Variants in MKX observed in about 807,000 individuals in gnomAD.
MKX encodes homeobox protein Mohawk.
MKX carries 13 observed loss-of-function variants against 36.0 expected under a neutral mutation model. The ratio of observed to expected loss-of-function variants is 0.36; its 90% CI spans 0.24 to 0.57. MKX has a LOEUF of 0.57. Ranked by LOEUF, MKX falls within the 20% of genes least tolerant of loss-of-function variation. MKX has a pLI of 0.79. For synonymous variants in MKX, 176 were observed against 178.3 expected (o/e 0.99, Z 0.10); for missense variants, 458 against 456.4 (o/e 1.00, Z -0.03).
At chr10:27,735,512 C>G (rs1373521493) in intron 3 of MKX, 138 bp from the exon 4 acceptor site, 2 of 598,226 alleles carry the variant, frequency 3.3e-6, no homozygotes, top group Non-Finnish European at 5.5e-6. Flanking sequence ...ACCGGACATT[C>G]GCATCCATTC....
At chr10:27,722,980 A>G (rs1426422080) in intron 5 of MKX, among the ~76,000 whole-genome samples, 1 of 152,156 alleles carries the variant, frequency 6.6e-6, no homozygotes, top group Admixed American at 6.6e-5. Context: ...GTGAAATCAT[A>G]AAGTTGAGCT....
intron 3 of MKX, among the ~76,000 whole-genome samples, chr10:27,735,756 A>G (rs1834754972): frequency 6.6e-6 from 1 of 152,214 alleles, no homozygotes; most frequent in South Asian, 2.1e-4. Flanking sequence ...ATATGACTCC[A>G]GCCTTTTTGA....
At chr10:27,732,377 G>A (rs998555802) in intron 5 of MKX, among the ~76,000 whole-genome samples, 9 of 152,064 alleles carry the variant, frequency 5.9e-5, no homozygotes, top group African/African-American at 2.2e-4. Context: ...TAATTTGTGT[G>A]GAGAATGCCA....
intron 5 of MKX, among the ~76,000 whole-genome samples, chr10:27,729,903 C>G (rs185084691): frequency 5.9e-4 from 90 of 152,066 alleles, no homozygotes; most frequent in Middle Eastern, 6.8e-3. Flanking sequence ...CCTGGTTCAA[C>G]AGGAATGGAG....
In MKX at chr10:27,744,020, C is replaced by A. The variant is rs1420085441; in HGVS notation, c.-82-523G>T. Among the ~76,000 whole-genome samples, 1 of 152,098 alleles carries A rather than the reference C, an allele frequency of 6.6e-6. No homozygotes were observed. Among genetic ancestry groups the A allele is most frequent in the Non-Finnish European group, 1.5e-5 (1 of 68,026 alleles). ...CCCAGCTCATGAGTCCCAGGCCATA[C>A]CGGGATTTGGGGGATTTTCGTGTTT... On this transcript the variant is annotated intron_variant, in intron 1 of 6. Coordinates refer to ENST00000419761, the MANE Select transcript of MKX (RefSeq NM_173576.3). The surrounding 1 kb of genome is among the most constrained non-coding windows in gnomAD (Gnocchi z 5.6).
intron 5 of MKX, among the ~76,000 whole-genome samples, chr10:27,685,368 G>A (rs1836323362): frequency 6.6e-6 from 1 of 151,790 alleles, no homozygotes; most frequent in Non-Finnish European, 1.5e-5. Context: ...GTAATATCAA[G>A]GAATCTGTCC....
At chr10:27,694,042 G>A (rs556686712) in intron 5 of MKX, among the ~76,000 whole-genome samples, 7 of 152,264 alleles carry the variant, frequency 4.6e-5, no homozygotes, top group African/African-American at 1.7e-4. Flanking sequence ...CCATGAAAAT[G>A]TGCCTTTTGC....
intron 5 of MKX, among the ~76,000 whole-genome samples, chr10:27,699,857 G>A (rs1836621314): frequency 2.0e-5 from 3 of 152,164 alleles, no homozygotes; most frequent in Admixed American, 6.5e-5. Context: ...AAAGCAGATT[G>A]TAGTAAGAAT....
At chr10:27,725,616 T>C (rs943139270) in intron 5 of MKX, among the ~76,000 whole-genome samples, 3 of 151,810 alleles carry the variant, frequency 2.0e-5, no homozygotes, top group Admixed American at 2.0e-4. Flanking sequence ...GAAAAATACC[T>C]TCTTAATTTT....
At chr10:27,690,213 A>G (rs1412284145) in intron 5 of MKX, among the ~76,000 whole-genome samples, 3 of 152,148 alleles carry the variant, frequency 2.0e-5, no homozygotes, top group Non-Finnish European at 4.4e-5. Flanking sequence ...TCTACTAAAA[A>G]TAGAAAAATT....
chr10:27,681,718 G>A (rs937303342), intron 5 of MKX, among the ~76,000 whole-genome samples: 3 of 151,930 alleles, frequency 2.0e-5, no homozygotes, highest in Non-Finnish European at 2.9e-5. Flanking sequence ...CCAGGAGTTC[G>A]AAACCAATCT....
intron 5 of MKX, among the ~76,000 whole-genome samples, chr10:27,712,622 A>C (rs1330082953): frequency 1.2e-4 from 18 of 152,172 alleles, no homozygotes; most frequent in Admixed American, 1.2e-3. Context: ...GGCACTAAAG[A>C]ATGAAGACAA....
chr10:27,734,680 T>C lies in MKX; in HGVS notation c.614A>G (p.Glu205Gly). 4 of 1,614,158 alleles carry C rather than the reference T, an allele frequency of 2.5e-6. No individual in the cohort carries two copies. Among genetic ancestry groups the C allele is most frequent in the Non-Finnish European group, 3.4e-6 (4 of 1,180,030 alleles). The change falls in exon 5 of 7, where the codon GAG becomes GGG. Residue 205 changes from glutamate to glycine, a missense_variant. Physicochemically the swap from Glu to Gly is moderately conservative, Grantham distance 98. Around this residue, in one of 3 missense-constraint regions of MKX, gnomAD observed 297 missense variants for 304.4 expected, o/e 0.98. Transcript: ENST00000419761. ...NSVIKAGVRP[E>G]SRASEDYVAP... Reference sequence around the variant, plus strand: ...CACGTAGTCCTCACTGGCCCGTGACTCTGGCCTCACTCCCGCTTTGATGAC... The same window carrying C: ...CACGTAGTCCTCACTGGCCCGTGACCCTGGCCTCACTCCCGCTTTGATGAC...
chr10:27,684,607 A>T (rs1836310445), intron 5 of MKX, among the ~76,000 whole-genome samples: 1 of 152,206 alleles, frequency 6.6e-6, no homozygotes, highest in Non-Finnish European at 1.5e-5. Flanking sequence ...TTAATAAATA[A>T]GACAATAATT....
intron 5 of MKX, among the ~76,000 whole-genome samples, chr10:27,716,495 T>C (rs1034283562): frequency 6.7e-6 from 1 of 148,652 alleles, no homozygotes; most frequent in Non-Finnish European, 1.5e-5. Flanking sequence ...TGAAAATGCC[T>C]ACTTTATGTT....
intron 5 of MKX, among the ~76,000 whole-genome samples, chr10:27,702,161 G>C (rs1009257704): frequency 2.6e-5 from 4 of 152,100 alleles, no homozygotes; most frequent in Admixed American, 2.6e-4. Context: ...AGCCAGGCAC[G>C]GACAAAGCCA....
chr10:27,718,436 A>C (rs1467499441), intron 5 of MKX: 1 of 208,914 alleles, frequency 4.8e-6, no homozygotes, highest in Non-Finnish European at 1.0e-5. Context: ...ACCCAAGTAC[A>C]AAAGGGTAAA....
chr10:27,719,483 G>C (rs1231726525), intron 5 of MKX, among the ~76,000 whole-genome samples: 4 of 152,104 alleles, frequency 2.6e-5, no homozygotes, highest in Non-Finnish European at 5.9e-5. Flanking sequence ...TGCTACAAAT[G>C]CTCTTTAAAT....
chr10:27,722,956 G>T (rs977010817), intron 5 of MKX, among the ~76,000 whole-genome samples: 2 of 152,070 alleles, frequency 1.3e-5, no homozygotes, highest in Non-Finnish European at 2.9e-5. Flanking sequence ...GAATTTAAGG[G>T]TTGGTAATAT....
Sources: gnomAD v4.1 joint callset for allele counts (sites outside exome capture counted in the v4.1 genomes callset) on GRCh38, gnomAD v4.1.1 for gene constraint, gnomAD v4.1.1 regional missense constraint, Gnocchi (gnomAD v3.1) non-coding constraint, MANE v1.5 for transcripts, NCBI Gene and HGNC (gene_info 2026-07-23, HGNC 2026-07-21) for gene names.